ESRRG: variants seen among roughly 807,000 people sequenced by gnomAD.
ESRRG encodes estrogen-related receptor gamma.
ESRRG carries 13 observed loss-of-function variants against 44.0 expected under a neutral mutation model. The ratio of observed to expected loss-of-function variants is 0.30; its 90% CI spans 0.19 to 0.47. The LOEUF is 0.47. Among genes scored for constraint, ESRRG ranks in the 20% least tolerant of loss-of-function variants. ESRRG has a pLI of 1.00. For synonymous variants in ESRRG, 215 were observed against 214.6 expected (o/e 1.00, Z -0.02); for missense variants, 395 against 580.6 (o/e 0.68, Z 3.29).
intron 2 of ESRRG, among the ~76,000 whole-genome samples, chr1:216,769,428 A>G (rs2093280759): frequency 6.6e-6 from 1 of 152,122 alleles, no homozygotes; most frequent in South Asian, 2.1e-4. Context: ...TATGTTGGCA[A>G]ATAGTGTGAG....
At position 217,055,485 on chromosome 1, in the gene ESRRG, A is replaced by T. The variant is rs1466388346; in HGVS notation, c.-106+34022T>A. Among the ~76,000 whole-genome samples the T allele has an allele frequency of 2.0e-5, 3 of 152,164 alleles. No homozygotes were observed. The East Asian group carries it at 5.8e-4, about 29-fold the overall frequency. ...AAAAAAACTGCAACCACTTGCAAAC[A>T]GTATGCACTTTATATAACATTTCCA... On this transcript the variant is annotated intron_variant, in intron 1 of 7. Transcript: ENST00000359162.
At chr1:217,123,588 A>T (rs2092850192) in intron 1 of ESRRG, among the ~76,000 whole-genome samples, 1 of 152,174 alleles carries the variant, frequency 6.6e-6, no homozygotes, top group Non-Finnish European at 1.5e-5. Flanking sequence ...AAAGAATGAG[A>T]TCATGTCCTT....
chr1:216,780,318 G>A (rs369220040), intron 2 of ESRRG, among the ~76,000 whole-genome samples: 44 of 151,922 alleles, frequency 2.9e-4, no homozygotes, highest in African/African-American at 9.2e-4. Context: ...AAAATGCTCC[G>A]TGTATAAGAT....
intron 2 of ESRRG, among the ~76,000 whole-genome samples, chr1:216,760,962 G>A (rs1198248235): frequency 2.0e-5 from 3 of 152,014 alleles, no homozygotes; most frequent in Admixed American, 2.0e-4. Flanking sequence ...TTCCTTTCAA[G>A]GGCTGCAAGT....
At chr1:216,954,963 C>T (rs553275144) in intron 1 of ESRRG, among the ~76,000 whole-genome samples, 11 of 152,100 alleles carry the variant, frequency 7.2e-5, no homozygotes, top group South Asian at 4.1e-4. Context: ...AGTGGTATTT[C>T]GATACATGTA....
intron 5 of ESRRG, among the ~76,000 whole-genome samples, chr1:216,563,934 C>A (rs374629980): frequency 2.0e-5 from 3 of 152,026 alleles, no homozygotes; most frequent in African/African-American, 7.2e-5. Flanking sequence ...AGAATTTTGA[C>A]AAAGGATAAA....
At chr1:216,982,003 C>G (rs758191805) in intron 1 of ESRRG, among the ~76,000 whole-genome samples, 2 of 152,190 alleles carry the variant, frequency 1.3e-5, no homozygotes, top group African/African-American at 4.8e-5. Flanking sequence ...GAAGCCTGAG[C>G]GCTTCGCTGC....
chr1:216,726,076 G>A (rs540042551), upstream of ESRRG, among the ~76,000 whole-genome samples: 355 of 152,182 alleles, frequency 2.3e-3, 1 homozygote, highest in African/African-American at 8.3e-3. Flanking sequence ...AGACTCATGC[G>A]TAAGTCATTG....
intron 2 of ESRRG, among the ~76,000 whole-genome samples, chr1:216,772,236 AC>A (rs1262785997): frequency 3.3e-5 from 5 of 152,142 alleles, no homozygotes; most frequent in Non-Finnish European, 1.5e-5. Context: ...AGCGAAGCAT[AC>A]CTGCAGTCCT....
At chr1:217,121,237 G>A (rs2092814947) in intron 1 of ESRRG, among the ~76,000 whole-genome samples, 1 of 152,132 alleles carries the variant, frequency 6.6e-6, no homozygotes, top group Admixed American at 6.6e-5. Context: ...AAAGCTGTAG[G>A]TGTGATCCAT....
At chr1:216,749,147 A>ATTTTTTT (rs34684564) in intron 2 of ESRRG, among the ~76,000 whole-genome samples, 170 of 149,024 alleles carry the variant, frequency 1.1e-3, no homozygotes, top group Non-Finnish European at 1.9e-3. Flanking sequence ...GTGTCTAAAT[A>ATTTTTTT]TTTTTTTTTT....
intron 2 of ESRRG, among the ~76,000 whole-genome samples, chr1:216,916,987 C>T (rs921983710): frequency 6.7e-6 from 1 of 150,336 alleles, no homozygotes; most frequent in Non-Finnish European, 1.5e-5. Context: ...CCGTTCCGTT[C>T]ATCTTACTGG....
intron 6 of ESRRG, among the ~76,000 whole-genome samples, chr1:216,508,090 T>C (rs2041691637): frequency 6.6e-6 from 1 of 152,334 alleles, no homozygotes; most frequent in African/African-American, 2.4e-5. Context: ...GGGGGATTCT[T>C]CATGTTTAAT....
chr1:217,006,685 A>G (rs1249041478), intron 1 of ESRRG, among the ~76,000 whole-genome samples: 1 of 152,156 alleles, frequency 6.6e-6, no homozygotes, highest in Non-Finnish European at 1.5e-5. Flanking sequence ...CCTTATATGC[A>G]CGGCCTAAAG....
chr1:216,971,321 G>A (rs1227274690), intron 1 of ESRRG, among the ~76,000 whole-genome samples: 1 of 152,194 alleles, frequency 6.6e-6, no homozygotes, highest in African/African-American at 2.4e-5. Flanking sequence ...TGGAGGGAGA[G>A]CACTCATGAA....
At chr1:216,512,845 G>T (rs1351316483) in intron 6 of ESRRG, among the ~76,000 whole-genome samples, 2 of 152,174 alleles carry the variant, frequency 1.3e-5, no homozygotes, top group African/African-American at 4.8e-5. Flanking sequence ...CTCAATGAAA[G>T]CAAGTGTCCT....
At chr1:216,835,154 ATC>A in intron 2 of ESRRG, among the ~76,000 whole-genome samples, 1 of 47,624 alleles carries the variant, frequency 2.1e-5, no homozygotes, top group East Asian at 2.7e-4. Flanking sequence ...CCAACTGATA[ATC>A]AGAGTTGAAT....
chr1:216,683,545 A>G (rs1254311474), intron 1 of ESRRG, among the ~76,000 whole-genome samples: 1 of 152,194 alleles, frequency 6.6e-6, no homozygotes, highest in African/African-American at 2.4e-5. Flanking sequence ...AGTTGCTGAC[A>G]AGAGATAGAG....
chr1:216,515,568 A>C (rs750229506), intron 6 of ESRRG, among the ~76,000 whole-genome samples: 4 of 152,214 alleles, frequency 2.6e-5, no homozygotes, highest in Non-Finnish European at 5.9e-5. Context: ...AGAGTTATTT[A>C]TGATTTTAAA....
Sources: gnomAD v4.1 joint callset for allele counts (sites outside exome capture counted in the v4.1 genomes callset) on GRCh38, gnomAD v4.1.1 for gene constraint, MANE v1.5 for transcripts, NCBI Gene and HGNC (gene_info 2026-07-23, HGNC 2026-07-21) for gene names.